Variants in MCTP1 observed in about 807,000 individuals in gnomAD.
The protein encoded by MCTP1 is multiple C2 and transmembrane domain containing 1.
MCTP1 carries 69 observed loss-of-function variants against 120.6 expected under a neutral mutation model. The observed-to-expected ratio is 0.57, with a 90% confidence interval of 0.47 to 0.70. MCTP1 has a LOEUF of 0.70. Ranked by LOEUF, MCTP1 falls within the 30% of genes least tolerant of loss-of-function variation. The probability of loss-of-function intolerance (pLI) is 0.00; values close to 1 mark genes in which losing one functional copy is unlikely to be tolerated. For missense variants in MCTP1, 1,203 were observed against 1,248.8 expected (o/e 0.96, Z 0.55); for synonymous variants, 529 against 493.1 (o/e 1.07, Z -0.96).
intron 1 of MCTP1, among the ~76,000 whole-genome samples, chr5:95,041,311 G>GAAAAAAAAAAAAAAA (rs58379749): frequency 1.1e-5 from 1 of 89,800 alleles, no homozygotes; most frequent in Non-Finnish European, 2.3e-5. Context: ...CCCATGCTCT[G>GAAAAAAAAAAAAAAA]AAAAAAAAAA....
intron 12 of MCTP1, among the ~76,000 whole-genome samples, chr5:94,874,140 T>C (rs1798331508): frequency 6.6e-6 from 1 of 152,110 alleles, no homozygotes; most frequent in Non-Finnish European, 1.5e-5. Flanking sequence ...TAGACAAAGC[T>C]GTCCAGAGGT....
chr5:95,275,472 T>G (rs1016157221), intron 1 of MCTP1, among the ~76,000 whole-genome samples: 3 of 152,184 alleles, frequency 2.0e-5, no homozygotes, highest in Non-Finnish European at 4.4e-5. Context: ...GTGGCCCCTG[T>G]GGGCATTGGA....
At chr5:94,794,723 TA>T (rs1367380162) in intron 18 of MCTP1, among the ~76,000 whole-genome samples, 1 of 152,228 alleles carries the variant, frequency 6.6e-6, no homozygotes, top group Non-Finnish European at 1.5e-5. Flanking sequence ...GTGATGTCTC[TA>T]AAAGGCTTAG....
chr5:94,833,804 T>C (rs934906183), intron 17 of MCTP1, among the ~76,000 whole-genome samples: 1 of 152,118 alleles, frequency 6.6e-6, no homozygotes, highest in African/African-American at 2.4e-5. Flanking sequence ...TTGGGGTGGG[T>C]GATGACAACT....
At chr5:94,773,435 G>T (rs1774545606) in intron 19 of MCTP1, among the ~76,000 whole-genome samples, 1 of 152,168 alleles carries the variant, frequency 6.6e-6, no homozygotes, top group Non-Finnish European at 1.5e-5. Context: ...GCATGGGTGG[G>T]TCTATGCGGT....
chr5:95,121,713 C>A (rs1758253936), intron 1 of MCTP1, among the ~76,000 whole-genome samples: 1 of 151,410 alleles, frequency 6.6e-6, no homozygotes, highest in Non-Finnish European at 1.5e-5. Context: ...ACAAAAAGAA[C>A]AAAACTGGAA....
chr5:94,794,895 G>A (rs1384795075), intron 18 of MCTP1, among the ~76,000 whole-genome samples: 5 of 152,128 alleles, frequency 3.3e-5, no homozygotes, highest in Non-Finnish European at 5.9e-5. Context: ...TCTGTAATTC[G>A]TGGGAGAAAC....
chr5:95,026,070 C>A (rs1389798913), intron 1 of MCTP1, among the ~76,000 whole-genome samples: 3 of 152,012 alleles, frequency 2.0e-5, no homozygotes, highest in African/African-American at 7.3e-5. Flanking sequence ...TGCCTCCTGA[C>A]CTTTTTGAAA....
At chr5:94,762,807 C>G (rs1385090522) in intron 19 of MCTP1, among the ~76,000 whole-genome samples, 2 of 152,186 alleles carry the variant, frequency 1.3e-5, no homozygotes, top group Non-Finnish European at 2.9e-5. Context: ...ACCTACTTCC[C>G]CATTATCTGA....
At chr5:94,842,284 C>T (rs1322511729) in intron 17 of MCTP1, among the ~76,000 whole-genome samples, 1 of 152,082 alleles carries the variant, frequency 6.6e-6, no homozygotes, top group African/African-American at 2.4e-5. Flanking sequence ...TATTGAGAGA[C>T]TATTAGTATT....
At chr5:95,007,970 G>A (rs1170549229) in intron 2 of MCTP1, among the ~76,000 whole-genome samples, 1 of 152,042 alleles carries the variant, frequency 6.6e-6, no homozygotes, top group Admixed American at 6.6e-5. Context: ...ACAATAAACA[G>A]GTTCATTTTG....
At chr5:95,178,541 G>A in intron 1 of MCTP1, among the ~76,000 whole-genome samples, 1 of 152,134 alleles carries the variant, frequency 6.6e-6, no homozygotes, top group South Asian at 2.1e-4. Flanking sequence ...GAGCCTGGTA[G>A]GCTCTGCTGG....
In MCTP1 at chr5:94,805,888, A is replaced by T. The variant is rs183030570; in HGVS notation, c.2437-6756T>A. Among the ~76,000 whole-genome samples, 143 of 149,262 alleles carry T rather than the reference A, an allele frequency of 9.6e-4. 3 individuals are homozygous for T. In the South Asian group the frequency reaches 0.012, roughly 12 times the overall value. ...CACTGACTCTACAGTAAATGGTCTT[A>T]GATTGAATGTTGATGTTTTAAAGGT... On this transcript the variant is annotated intron_variant, in intron 17 of 22. Transcript: ENST00000515393.
At chr5:95,151,200 T>C (rs1760870540) in intron 1 of MCTP1, among the ~76,000 whole-genome samples, 2 of 150,188 alleles carry the variant, frequency 1.3e-5, no homozygotes, top group African/African-American at 4.9e-5. Flanking sequence ...CCCAGGCTGC[T>C]CTCGAACTCC....
intron 1 of MCTP1, among the ~76,000 whole-genome samples, chr5:95,104,660 T>G (rs1275955127): frequency 2.0e-5 from 3 of 152,204 alleles, no homozygotes; most frequent in African/African-American, 7.2e-5. Context: ...CAATGTGCAT[T>G]TTTATTATGT....
intron 10 of MCTP1, among the ~76,000 whole-genome samples, chr5:94,896,398 G>GTCTTTCACT (rs1803999012): frequency 6.6e-6 from 1 of 152,014 alleles, no homozygotes; most frequent in Non-Finnish European, 1.5e-5. Flanking sequence ...ACCAAGAAAA[G>GTCTTTCACT]TCTTTCACTC....
intron 1 of MCTP1, chr5:95,068,739 C>A: frequency 8.5e-7 from 1 of 1,179,214 alleles, no homozygotes; most frequent in South Asian, 1.4e-5. Context: ...CCTAATTAAA[C>A]ACCGAGCTAA....
intron 19 of MCTP1, among the ~76,000 whole-genome samples, chr5:94,763,679 G>A (rs537584073): frequency 2.6e-5 from 4 of 152,224 alleles, no homozygotes; most frequent in Non-Finnish European, 1.5e-5. Flanking sequence ...TCTACCCAGT[G>A]ACTTGTCTCT....
intron 17 of MCTP1, among the ~76,000 whole-genome samples, chr5:94,832,109 C>A (rs764661215): frequency 6.6e-6 from 1 of 152,198 alleles, no homozygotes; most frequent in East Asian, 1.9e-4. Context: ...AAGGGCCCTA[C>A]AGTTTCTGTG....
Sources: gnomAD v4.1 joint callset for allele counts (sites outside exome capture counted in the v4.1 genomes callset) on GRCh38, gnomAD v4.1.1 for gene constraint, MANE v1.5 for transcripts, NCBI Gene and HGNC (gene_info 2026-07-23, HGNC 2026-07-21) for gene names.